TSPAN18: variants seen among roughly 807,000 people sequenced by gnomAD.
The protein encoded by TSPAN18 is tetraspanin 18.
TSPAN18 carries 14 observed loss-of-function variants against 27.3 expected under a neutral mutation model. The ratio of observed to expected loss-of-function variants is 0.51; its 90% CI spans 0.34 to 0.80. The LOEUF is 0.80. TSPAN18 is among the 30% of genes least tolerant of loss of function. The pLI is 0.01. For synonymous variants in TSPAN18, 143 were observed against 136.5 expected, an observed-to-expected ratio of 1.05 and a Z score of -0.33; for missense variants, 268 against 323.9, an observed-to-expected ratio of 0.83 and a Z score of 1.32.
intron 3 of TSPAN18, chr11:44,901,197 A>G (rs1859251788): frequency 6.6e-6 from 1 of 152,030 alleles, no homozygotes; most frequent in Admixed American, 6.5e-5. Context: ...GGCTCACATC[A>G]TCTATTTTCC....
chr11:44,826,417 ACT>A (rs1001647106), intron 2 of TSPAN18, among the ~76,000 whole-genome samples: 1 of 152,018 alleles, frequency 6.6e-6, no homozygotes, highest in Non-Finnish European at 1.5e-5. Context: ...AGAGCGAGAA[ACT>A]CTGTCTCAAA....
At chr11:44,759,427 C>CT in intron 1 of TSPAN18, among the ~76,000 whole-genome samples, 1 of 152,322 alleles carries the variant, frequency 6.6e-6, no homozygotes, top group African/African-American at 2.4e-5. Flanking sequence ...TCCTAAGAGT[C>CT]TCAGTTTCTC....
chr11:44,906,153 C>T (rs1034778619), intron 3 of TSPAN18, among the ~76,000 whole-genome samples: 3 of 152,212 alleles, frequency 2.0e-5, no homozygotes, highest in Non-Finnish European at 2.9e-5. Context: ...TCCTAATCTC[C>T]GCTTTAAAGT....
intron 3 of TSPAN18, among the ~76,000 whole-genome samples, chr11:44,861,512 G>A (rs1857885281): frequency 6.7e-6 from 1 of 149,234 alleles, no homozygotes; most frequent in Admixed American, 6.8e-5. Flanking sequence ...TGGTGAGGTC[G>A]GTAGGTGTCG....
intron 2 of TSPAN18, among the ~76,000 whole-genome samples, chr11:44,854,586 G>C (rs1318651811): frequency 2.6e-5 from 4 of 152,194 alleles, no homozygotes; most frequent in South Asian, 4.1e-4. Context: ...GCAGCTGGGA[G>C]AAAGTTCTTA....
At position 44,929,349 on chromosome 11, in the gene TSPAN18, T is replaced by C. The variant is rs1014660200; in HGVS notation, c.*171T>C. The C allele has an allele frequency of 6.9e-5, 55 of 798,902 alleles. No individual in the cohort carries two copies. Among genetic ancestry groups the C allele is most frequent in the Non-Finnish European group, 9.8e-5 (50 of 512,480 alleles). 49.5% of individuals were successfully genotyped at this position (798,902 alleles called of 1,614,324 possible). ...GAGCTATTTTTTTAACAAAACAAAATGAAGACAAAAATATGGACTGATGTA... is the reference window on the plus strand; with the variant it reads ...GAGCTATTTTTTTAACAAAACAAAACGAAGACAAAAATATGGACTGATGTA... On this transcript the variant is annotated 3_prime_UTR_variant, in exon 10 of 10. Transcript: ENST00000520358.
intron 1 of TSPAN18, among the ~76,000 whole-genome samples, chr11:44,743,146 C>T (rs1358063511): frequency 7.1e-6 from 1 of 140,682 alleles, no homozygotes; most frequent in Non-Finnish European, 1.5e-5. Context: ...AGCAGCACTT[C>T]CCCCTAAAAA....
At chr11:44,792,447 A>G (rs1856249815) in intron 2 of TSPAN18, among the ~76,000 whole-genome samples, 1 of 152,162 alleles carries the variant, frequency 6.6e-6, no homozygotes, top group Non-Finnish European at 1.5e-5. Context: ...AGGGAAGGTC[A>G]TGAGGGGCCT....
At chr11:44,810,628 G>A (rs1856693485) in intron 2 of TSPAN18, among the ~76,000 whole-genome samples, 1 of 149,088 alleles carries the variant, frequency 6.7e-6, no homozygotes. Flanking sequence ...TTGAGACAGG[G>A]TCTCACTGTG....
Position 44,931,056 on chromosome 11 carries a change from C to T in TSPAN18, c.*1878C>T. ...GCTGCAAAGATTCAGGTGGACCCTC[C>T]TCTAATCTCCTCCTGCTGTGCCCGC... On this transcript the variant is annotated 3_prime_UTR_variant, in exon 10 of 10. Coordinates refer to ENST00000520358, the MANE Select transcript of TSPAN18 (RefSeq NM_130783.5). 2.4e-6 allele frequency: 1 copy of T among 419,116 alleles called. No individual in the cohort carries two copies. Among genetic ancestry groups the T allele is most frequent in the Non-Finnish European group, 4.8e-6 (1 of 207,672 alleles). 26.0% of individuals were successfully genotyped at this position (419,116 alleles called of 1,614,324 possible).
chr11:44,759,409 C>G (rs1283636836), intron 1 of TSPAN18, among the ~76,000 whole-genome samples: 1 of 152,216 alleles, frequency 6.6e-6, no homozygotes, highest in Non-Finnish European at 1.5e-5. Flanking sequence ...AAGCTAGGCT[C>G]TTCAGAGTCC....
chr11:44,912,040 G>A (rs1398402449), intron 5 of TSPAN18, among the ~76,000 whole-genome samples: 3 of 140,684 alleles, frequency 2.1e-5, no homozygotes, highest in Non-Finnish European at 1.5e-5. Flanking sequence ...TTTTTTTTTC[G>A]AGACAGGGTC....
At chr11:44,901,030 A>T (rs1008050607) in intron 3 of TSPAN18, among the ~76,000 whole-genome samples, 1 of 152,094 alleles carries the variant, frequency 6.6e-6, no homozygotes, top group Non-Finnish European at 1.5e-5. Context: ...CTTTACAGAG[A>T]AGGAATTCAG....
chr11:44,828,825 T>A (rs564284405), intron 2 of TSPAN18, among the ~76,000 whole-genome samples: 1 of 152,058 alleles, frequency 6.6e-6, no homozygotes. Flanking sequence ...CCTCTCAATA[T>A]CCAGCCCATC....
intron 2 of TSPAN18, among the ~76,000 whole-genome samples, chr11:44,837,611 G>A (rs1857289434): frequency 6.6e-6 from 1 of 152,226 alleles, no homozygotes; most frequent in African/African-American, 2.4e-5. Flanking sequence ...ATATGCTACA[G>A]AGAAATCTTT....
intron 2 of TSPAN18, among the ~76,000 whole-genome samples, chr11:44,780,023 A>G (rs1855901587): frequency 6.6e-6 from 1 of 152,170 alleles, no homozygotes; most frequent in Admixed American, 6.5e-5. Flanking sequence ...ATGCGCATCT[A>G]TGCATACACC....
At chr11:44,766,332 G>A (rs185529820) in intron 2 of TSPAN18, among the ~76,000 whole-genome samples, 38 of 152,298 alleles carry the variant, frequency 2.5e-4, no homozygotes, top group East Asian at 2.1e-3. Context: ...CACTGACAGC[G>A]TCTGTGTCCC....
intron 3 of TSPAN18, chr11:44,897,859 C>G: frequency 7.8e-7 from 1 of 1,289,410 alleles, no homozygotes; most frequent in Non-Finnish European, 1.0e-6. Flanking sequence ...TCTCCCTTCT[C>G]AGTGTACCTC....
intron 5 of TSPAN18, among the ~76,000 whole-genome samples, chr11:44,911,527 T>C (rs950649240): frequency 1.3e-5 from 2 of 152,168 alleles, no homozygotes; most frequent in Non-Finnish European, 2.9e-5. Flanking sequence ...GACAATTCTC[T>C]ACAGCTTGTC....
Sources: gnomAD v4.1 joint callset for allele counts (sites outside exome capture counted in the v4.1 genomes callset) on GRCh38, gnomAD v4.1.1 for gene constraint, MANE v1.5 for transcripts, NCBI Gene and HGNC (gene_info 2026-07-23, HGNC 2026-07-21) for gene names.